TCF4: variants seen among roughly 807,000 people sequenced by gnomAD.
The protein encoded by TCF4 is transcription factor 4.
A neutral mutation model predicts 82.1 loss-of-function variants in TCF4; 3 were observed. That is an observed-to-expected ratio of 0.04 (90% CI 0.02 to 0.09). The LOEUF is 0.09. TCF4 is among the 10% of genes least tolerant of loss of function. The pLI is 1.00. For synonymous variants in TCF4, 276 were observed against 309.6 expected, an observed-to-expected ratio of 0.89 and a Z score of 1.14; for missense variants, 518 against 852.7, an observed-to-expected ratio of 0.61 and a Z score of 4.89.
rs181535765 is a variant in TCF4, at chr18:55,345,353, A to G, written c.549+5006T>C. Among the ~76,000 whole-genome samples the G allele has an allele frequency of 6.1e-4, 92 of 150,366 alleles. 1 individual carries two copies. In the East Asian group the frequency reaches 0.017, roughly 28 times the overall value. On this transcript the variant is annotated intron_variant, in intron 8 of 19. Transcript: ENST00000354452. ...GTCTGGTTTAGCAAATTCAGCATTAACTGCACACACACAAAAATACTTTCT... is the reference window on the plus strand; with the variant it reads ...GTCTGGTTTAGCAAATTCAGCATTAGCTGCACACACACAAAAATACTTTCT...
chr18:55,458,197 T>A (rs998934847), intron 5 of TCF4, among the ~76,000 whole-genome samples: 4 of 152,214 alleles, frequency 2.6e-5, no homozygotes, highest in Admixed American at 2.6e-4. Flanking sequence ...TCTGCTCCAA[T>A]AAAGTGGCTG....
In TCF4 at chr18:55,228,968, C is replaced by T. The variant is rs2144405414; in HGVS notation, c.1758G>A (p.Glu586=). 6.2e-7 allele frequency: 1 copy of T among 1,614,186 alleles called. No homozygotes were observed. The highest frequency in any genetic ancestry group is 8.5e-7 in the Non-Finnish European group (1 of 1,180,026). The part of the protein sequence containing the change: ...RERLRVRDIN[E]AFKELGRMVQ... ...CCATGCGGCCGAGCTCTTTGAAAGC[C>T]TCGTTGATGTCACGGACCCGCAGAC... The change falls in exon 18 of 20, where the codon GAG becomes GAA. Residue 586 remains glutamate (E), a synonymous_variant. Coordinates refer to ENST00000354452, the MANE Select transcript of TCF4 (RefSeq NM_001083962.2).
chr18:55,322,498 C>G, intron 8 of TCF4: 5 of 980,994 alleles, frequency 5.1e-6, no homozygotes, highest in Non-Finnish European at 6.0e-6. Context: ...GCAGTGTTTT[C>G]TGACTGCTTG....
intron 15 of TCF4, among the ~76,000 whole-genome samples, chr18:55,252,288 AAT>A (rs1568458599): frequency 2.0e-5 from 3 of 152,074 alleles, no homozygotes; most frequent in Non-Finnish European, 4.4e-5. Context: ...TCCTTGATTG[AAT>A]ATTAAATGTC....
intron 3 of TCF4, among the ~76,000 whole-genome samples, chr18:55,503,428 C>T (rs2096721374): frequency 6.6e-6 from 1 of 152,150 alleles, no homozygotes; most frequent in South Asian, 2.1e-4. Context: ...CATATTATTT[C>T]ATTCATTCTC....
At chr18:55,306,421 G>C (rs1000260808) in intron 8 of TCF4, among the ~76,000 whole-genome samples, 9 of 152,202 alleles carry the variant, frequency 5.9e-5, no homozygotes, top group Non-Finnish European at 1.3e-4. Context: ...GCAAGCCCAT[G>C]CCAGGGAGTT....
chr18:55,531,356 A>G (rs2097060698), intron 3 of TCF4, among the ~76,000 whole-genome samples: 2 of 152,172 alleles, frequency 1.3e-5, no homozygotes, highest in Non-Finnish European at 2.9e-5. Context: ...ATTAATCTTT[A>G]TATTCCCAGT....
intron 4 of TCF4, 32 bp downstream of exon 4, chr18:55,464,044 T>C (rs2144895289): frequency 6.2e-7 from 1 of 1,606,678 alleles, no homozygotes; most frequent in East Asian, 2.2e-5. Context: ...GTGGGATGTC[T>C]GGTTGTGGGA....
chr18:55,503,216 A>G (rs1258027162), intron 3 of TCF4, among the ~76,000 whole-genome samples: 1 of 152,270 alleles, frequency 6.6e-6, no homozygotes, highest in East Asian at 1.9e-4. Flanking sequence ...TTGAAGGTCT[A>G]TAGAAACAAT....
At chr18:55,450,923 A>C (rs776775457) in intron 5 of TCF4, among the ~76,000 whole-genome samples, 67 of 152,198 alleles carry the variant, frequency 4.4e-4, no homozygotes, top group Non-Finnish European at 6.0e-4. Context: ...TTGTGTTTAA[A>C]GATGAAACTT....
At chr18:55,254,774 G>T in intron 14 of TCF4, 74 bp from the exon 15 acceptor site, 1 of 1,384,854 alleles carries the variant, frequency 7.2e-7, no homozygotes, top group Non-Finnish European at 1.0e-6. Flanking sequence ...TAAAATTTTA[G>T]TCGACAAAAA....
chr18:55,420,880 A>G (rs542223867), intron 5 of TCF4, among the ~76,000 whole-genome samples: 1 of 150,690 alleles, frequency 6.6e-6, no homozygotes, highest in African/African-American at 2.4e-5. Flanking sequence ...AACCAATCAC[A>G]GCAGAAAGCG....
intron 3 of TCF4, among the ~76,000 whole-genome samples, chr18:55,520,444 T>A (rs974982581): frequency 1.3e-5 from 2 of 152,192 alleles, no homozygotes; most frequent in African/African-American, 4.8e-5. Context: ...TGTTTATAGA[T>A]GTCTATATGT....
intron 8 of TCF4, among the ~76,000 whole-genome samples, chr18:55,296,530 G>A (rs1430908210): frequency 6.6e-6 from 1 of 152,130 alleles, no homozygotes; most frequent in Non-Finnish European, 1.5e-5. Flanking sequence ...GCTAAGAGAG[G>A]GCGTCCTTCA....
At chr18:55,494,972 A>G (rs543113957) in intron 3 of TCF4, among the ~76,000 whole-genome samples, 6 of 151,268 alleles carry the variant, frequency 4.0e-5, no homozygotes, top group African/African-American at 1.5e-4. Flanking sequence ...CTTTAAAAAA[A>G]AAAAAAAAGA....
intron 5 of TCF4, among the ~76,000 whole-genome samples, chr18:55,427,638 G>C (rs771023726): frequency 3.9e-5 from 6 of 152,108 alleles, no homozygotes; most frequent in Admixed American, 6.5e-5. Flanking sequence ...TTGTTGTGAG[G>C]AACAAATAAG....
intron 5 of TCF4, among the ~76,000 whole-genome samples, chr18:55,455,348 T>A (rs2095723134): frequency 6.6e-6 from 1 of 152,098 alleles, no homozygotes; most frequent in African/African-American, 2.4e-5. Flanking sequence ...AAACGAGTCA[T>A]ACTTGTTAAT....
At chr18:55,320,850 TC>T (rs1256404107) in intron 8 of TCF4, 4 of 152,308 alleles carry the variant, frequency 2.6e-5, no homozygotes, top group African/African-American at 4.8e-5. Context: ...AATATTGAAA[TC>T]CTTTTCCTTC....
chr18:55,486,229 G>A (rs1435265377), intron 3 of TCF4, among the ~76,000 whole-genome samples: 5 of 152,128 alleles, frequency 3.3e-5, no homozygotes, highest in African/African-American at 1.2e-4. Flanking sequence ...AAACACCAAG[G>A]GATTGTTACT....
Sources: allele counts gnomAD v4.1 joint callset (sites outside exome capture counted in the v4.1 genomes callset), GRCh38; gene constraint gnomAD v4.1.1; transcripts MANE v1.5; gene names NCBI Gene and HGNC (gene_info 2026-07-23, HGNC 2026-07-21).